PC: variants seen among roughly 807,000 people sequenced by gnomAD.
PC encodes pyruvate carboxylase, mitochondrial.
A neutral mutation model predicts 107.8 loss-of-function variants in PC; 46 were observed. The observed-to-expected ratio is 0.43, with a 90% CI of 0.34 to 0.55. PC has a LOEUF of 0.55. Among genes scored for constraint, PC ranks in the 20% least tolerant of loss-of-function variants. PC has a pLI of 0.04. For synonymous variants in PC, 662 were observed against 684.7 expected, an observed-to-expected ratio of 0.97 and a Z score of 0.52; for missense variants, 1,241 against 1,643.1, an observed-to-expected ratio of 0.76 and a Z score of 4.23.
intron 3 of PC, among the ~76,000 whole-genome samples, chr11:66,919,063 C>T (rs1425503689): frequency 6.6e-6 from 1 of 152,174 alleles, no homozygotes; most frequent in East Asian, 1.9e-4. Flanking sequence ...TGGATTACCT[C>T]AAGCTGTCTA....
At chr11:66,910,370 C>T (rs138243408) in intron 3 of PC, among the ~76,000 whole-genome samples, 3 of 152,314 alleles carry the variant, frequency 2.0e-5, no homozygotes, top group African/African-American at 7.2e-5. Flanking sequence ...ATGGACCCTT[C>T]TAATGGCCTT....
chr11:66,870,210 C>A lies in PC; in HGVS notation c.903+92G>T, dbSNP rs1946664574. 4 of 1,507,804 alleles carry A rather than the reference C, an allele frequency of 2.7e-6. No individual in the cohort carries two copies. Among genetic ancestry groups the A allele is most frequent in the South Asian group, 1.1e-5 (1 of 88,226 alleles). The allele number at this position is 1,507,804 out of a possible 1,614,324, so 93.4% of individuals were successfully genotyped here. A position where few individuals can be genotyped will look rare whatever the true frequency, so the allele number is the denominator to read the frequency against. The stretch of plus-strand genomic sequence containing the variant: ...CATCCCCAGTCCCCAGAAGGGGACT[C>A]AGGGTCCCCTTCCCCAACCAGCGCC... On this transcript the variant is annotated intron_variant, in intron 9 of 22. Transcript: ENST00000393960. The surrounding 1 kb of genome is among the most constrained non-coding windows in gnomAD (Gnocchi z 6.1).
At chr11:66,883,597 G>A (rs1947258972) in intron 3 of PC, among the ~76,000 whole-genome samples, 1 of 152,202 alleles carries the variant, frequency 6.6e-6, no homozygotes, top group African/African-American at 2.4e-5. Flanking sequence ...ATGTTATAAA[G>A]ATTTGTTGAC....
At chr11:66,856,471 G>A (rs1235961432) in intron 12 of PC, among the ~76,000 whole-genome samples, 2 of 152,042 alleles carry the variant, frequency 1.3e-5, no homozygotes, top group Admixed American at 1.3e-4. Flanking sequence ...GCCCCACCCC[G>A]CAGCAGCCCT....
intron 1 of PC, among the ~76,000 whole-genome samples, chr11:66,955,537 T>C (rs1195730815): frequency 1.3e-5 from 2 of 151,980 alleles, no homozygotes; most frequent in East Asian, 3.9e-4. Flanking sequence ...CACATGAGGG[T>C]ACATTGGGGT....
intron 3 of PC, among the ~76,000 whole-genome samples, chr11:66,904,172 T>A (rs1565276361): frequency 6.6e-6 from 1 of 152,056 alleles, no homozygotes; most frequent in Non-Finnish European, 1.5e-5. Context: ...CTCCCACCCC[T>A]AATGTCCCAC....
intron 3 of PC, among the ~76,000 whole-genome samples, chr11:66,899,449 C>T (rs528129066): frequency 6.6e-5 from 10 of 152,218 alleles, no homozygotes; most frequent in East Asian, 1.9e-4. Context: ...GGCAGTGGCA[C>T]GACCATAGTT....
Position 66,871,363 on chromosome 11 carries a change from G to C in PC, c.439C>G (p.Arg147Gly), listed in dbSNP as rs529087425. 1.2e-6 allele frequency: 2 copies of C among 1,613,826 alleles called. No homozygotes were observed. The highest frequency in any genetic ancestry group is 1.7e-6 in the Non-Finnish European group (2 of 1,180,022). Residue 147 changes from arginine to glycine, a missense_variant, in exon 6 of 23, where the codon CGC (arginine) becomes GGC (glycine). Coordinates refer to ENST00000393960, the MANE Select transcript of PC (RefSeq NM_001040716.2). This position sits in a 1 kb window ranked among gnomAD's most constrained non-coding sequence, Gnocchi z 7.4. ...RFIGPSPEVV[R>G]KMGDKVEARA... Reference sequence around the variant, plus strand: ...GCCTCCACCTTGTCTCCCATCTTGCGGACCACTTCTGGGCTTGGCCCAATA... The same window carrying C: ...GCCTCCACCTTGTCTCCCATCTTGCCGACCACTTCTGGGCTTGGCCCAATA...
At chr11:66,931,384 GAAAAAAAA>G (rs60081578) in intron 3 of PC, among the ~76,000 whole-genome samples, 19 of 84,950 alleles carry the variant, frequency 2.2e-4, no homozygotes, top group East Asian at 3.3e-4. Flanking sequence ...TCCATCTCAA[GAAAAAAAA>G]AAAAAAAAAA....
At chr11:66,876,235 TTA>T (rs1946973168) in intron 3 of PC, among the ~76,000 whole-genome samples, 1 of 152,168 alleles carries the variant, frequency 6.6e-6, no homozygotes, top group African/African-American at 2.4e-5. Context: ...TGGACTGTGG[TTA>T]TGTTAGAGAA....
At position 66,850,388 on chromosome 11, in the gene PC, G is replaced by A. The variant is rs61749179; in HGVS notation, c.2550C>T (p.Cys850=). ...AGTTGCCAGACTTCATGGTGGCCGT[G>A]CAGTCGAAGGCCGCGTACAGTCCCC... is the stretch of plus-strand genomic sequence containing the variant. ...GARGLYAAFD[C]TATMKSGNSD... Residue 850 remains cysteine, a synonymous_variant, in exon 19 of 23, where the codon TGC becomes TGT. Coordinates refer to ENST00000393960, the MANE Select transcript of PC (RefSeq NM_001040716.2). 1.7e-3 allele frequency: 2,765 copies of A among 1,614,086 alleles called. 7 individuals carry two copies. Among genetic ancestry groups the A allele is most frequent in the Non-Finnish European group, 2.1e-3 (2,467 of 1,180,024 alleles).
chr11:66,941,754 A>G (rs1053234688), intron 3 of PC, among the ~76,000 whole-genome samples: 1 of 152,002 alleles, frequency 6.6e-6, no homozygotes, highest in Non-Finnish European at 1.5e-5. Context: ...GGCCTCCCAA[A>G]GTGCTGGGAT....
chr11:66,895,109 CAG>C (rs1164254445), intron 3 of PC, among the ~76,000 whole-genome samples: 1 of 151,668 alleles, frequency 6.6e-6, no homozygotes, highest in African/African-American at 2.4e-5. Flanking sequence ...CCTGGAAGAA[CAG>C]AGGTTTACTT....
intron 3 of PC, among the ~76,000 whole-genome samples, chr11:66,949,570 T>C (rs1227354178): frequency 6.6e-6 from 1 of 151,914 alleles, no homozygotes; most frequent in Admixed American, 6.6e-5. Context: ...CGGGCGCCTG[T>C]AATCCCAGCT....
chr11:66,916,306 C>T (rs1361033098), intron 3 of PC, among the ~76,000 whole-genome samples: 1 of 152,142 alleles, frequency 6.6e-6, no homozygotes, highest in Non-Finnish European at 1.5e-5. Context: ...GGCTGGTCTT[C>T]ACCTCCTGGG....
At chr11:66,898,562 C>G (rs144142421) in intron 3 of PC, among the ~76,000 whole-genome samples, 9,159 of 152,188 alleles carry the variant, frequency 0.06, 284 homozygotes, top group Non-Finnish European at 0.069. Context: ...CACCTGTAAT[C>G]CCAGATACTT....
chr11:66,910,999 A>G (rs928707840), intron 3 of PC, among the ~76,000 whole-genome samples: 1 of 152,204 alleles, frequency 6.6e-6, no homozygotes, highest in Admixed American at 6.5e-5. Context: ...CTGATCTATA[A>G]AATGCAGAAT....
At position 66,870,649 on chromosome 11, in the gene PC, G is replaced by C. The variant is rs890194493; in HGVS notation, c.751+126C>G. On this transcript the variant is annotated intron_variant, in intron 8 of 22. Coordinates refer to ENST00000393960, the MANE Select transcript of PC (RefSeq NM_001040716.2). The surrounding 1 kb of genome is among the most constrained non-coding windows in gnomAD (Gnocchi z 6.1). Reference sequence around the variant, plus strand: ...CGGCCCCTAGAGCCCACTTTCCAGAGTCCTCTGGAAAAGCGCCCGACAGGC... The same window carrying C: ...CGGCCCCTAGAGCCCACTTTCCAGACTCCTCTGGAAAAGCGCCCGACAGGC... 3 of 1,164,958 alleles carry C rather than the reference G, an allele frequency of 2.6e-6. No homozygotes were observed. In the African/African-American group the frequency reaches 4.5e-5, roughly 18 times the overall value. The allele number at this position is 1,164,958 out of a possible 1,614,324, so 72.2% of individuals were successfully genotyped here. A position where few individuals can be genotyped will look rare whatever the true frequency, so the allele number is the denominator to read the frequency against.
chr11:66,935,026 T>C (rs926921303), intron 3 of PC, among the ~76,000 whole-genome samples: 2 of 152,178 alleles, frequency 1.3e-5, no homozygotes, highest in Admixed American at 6.5e-5. Context: ...AGCACGTGCA[T>C]TCCCTCTCTC....
Sources: gnomAD v4.1 joint callset for allele counts (sites outside exome capture counted in the v4.1 genomes callset) on GRCh38, gnomAD v4.1.1 for gene constraint, Gnocchi (gnomAD v3.1) non-coding constraint, MANE v1.5 for transcripts, NCBI Gene and HGNC (gene_info 2026-07-23, HGNC 2026-07-21) for gene names.